The following FNDC3B variants were observed in gnomAD, a reference collection of about 807,000 sequenced individuals.
The protein encoded by FNDC3B is fibronectin type III domain-containing protein 3B.
FNDC3B carries 12 observed loss-of-function variants against 151.5 expected under a neutral mutation model. That is an observed-to-expected ratio of 0.08 (90% CI 0.05 to 0.13). The LOEUF is 0.13. FNDC3B is among the 10% of genes least tolerant of loss of function. The pLI, the probability that FNDC3B is intolerant of heterozygous loss-of-function variation, is 1.00. For synonymous variants in FNDC3B, 528 were observed against 549.0 expected (o/e 0.96, Z 0.54); for missense variants, 1,214 against 1,505.3 (o/e 0.81, Z 3.20).
At chr3:172,255,461 CGTTTCACCATGT>C (rs1728286486) in intron 6 of FNDC3B, among the ~76,000 whole-genome samples, 4 of 152,096 alleles carry the variant, frequency 2.6e-5, no homozygotes, top group Admixed American at 6.6e-5. Context: ...GTAGAGATGG[CGTTTCACCATGT>C]TGGCCAGGCT....
At chr3:172,328,918 TAA>T in intron 11 of FNDC3B, 32 bp from the exon 12 acceptor site, 1 of 1,485,216 alleles carries the variant, frequency 6.7e-7, no homozygotes, top group Non-Finnish European at 9.1e-7. Context: ...TTTTTTTTTT[TAA>T]GTATATGCAT....
intron 3 of FNDC3B, among the ~76,000 whole-genome samples, chr3:172,160,892 C>T (rs1310241743): frequency 2.0e-5 from 3 of 151,826 alleles, no homozygotes; most frequent in African/African-American, 4.8e-5. Context: ...CCGAATTTGC[C>T]GTTGAAAGAA....
intron 3 of FNDC3B, among the ~76,000 whole-genome samples, chr3:172,222,740 T>C (rs2108734116): frequency 6.6e-6 from 1 of 152,356 alleles, no homozygotes; most frequent in South Asian, 2.1e-4. Context: ...GCTTGCCCAC[T>C]GTTCATCTCC....
chr3:172,290,522 C>T (rs926876998), intron 7 of FNDC3B, among the ~76,000 whole-genome samples: 27 of 152,108 alleles, frequency 1.8e-4, no homozygotes, highest in Admixed American at 1.5e-3. Context: ...TAGATGTAGT[C>T]TCCCATAGAC....
At chr3:172,059,449 T>G (rs984019857) in intron 1 of FNDC3B, among the ~76,000 whole-genome samples, 2 of 152,182 alleles carry the variant, frequency 1.3e-5, no homozygotes, top group African/African-American at 4.8e-5. Flanking sequence ...TTAAAAGGCT[T>G]TGAAAAATTT....
intron 3 of FNDC3B, among the ~76,000 whole-genome samples, chr3:172,175,738 G>A (rs907635348): frequency 5.3e-5 from 8 of 152,172 alleles, no homozygotes; most frequent in South Asian, 2.1e-4. Flanking sequence ...GTAAACACAT[G>A]ATTACCATAG....
intron 3 of FNDC3B, among the ~76,000 whole-genome samples, chr3:172,215,659 G>A (rs895564486): frequency 3.9e-5 from 6 of 152,228 alleles, no homozygotes; most frequent in Admixed American, 3.3e-4. Context: ...AGGAGGCAGA[G>A]GTTGCAGTGA....
intron 25 of FNDC3B, among the ~76,000 whole-genome samples, chr3:172,392,629 T>C (rs1736065537): frequency 6.6e-6 from 1 of 152,108 alleles, no homozygotes; most frequent in African/African-American, 2.4e-5. Context: ...CACTGGGCTT[T>C]AGAAACATGT....
At chr3:172,216,283 A>G (rs1210372996) in intron 3 of FNDC3B, among the ~76,000 whole-genome samples, 1 of 152,190 alleles carries the variant, frequency 6.6e-6, no homozygotes, top group Non-Finnish European at 1.5e-5. Flanking sequence ...TGGTTTAAGT[A>G]TAAATAAGCC....
chr3:172,374,056 G>A (rs1489112132), intron 23 of FNDC3B, among the ~76,000 whole-genome samples: 5 of 152,148 alleles, frequency 3.3e-5, no homozygotes, highest in Admixed American at 6.5e-5. Flanking sequence ...TATGTGAGCC[G>A]TCAAATTCAG....
At chr3:172,276,002 G>T (rs559419208) in intron 6 of FNDC3B, among the ~76,000 whole-genome samples, 34 of 152,230 alleles carry the variant, frequency 2.2e-4, no homozygotes, top group Middle Eastern at 3.4e-3. Flanking sequence ...TATTTTAAAA[G>T]ATCATTTTAA....
intron 3 of FNDC3B, among the ~76,000 whole-genome samples, chr3:172,156,143 T>C (rs181577820): frequency 3.3e-5 from 5 of 152,326 alleles, no homozygotes; most frequent in Admixed American, 3.3e-4. Context: ...TTCAGGAGAC[T>C]CTTTGTTTAA....
At chr3:172,248,566 A>G (rs1469028289) in intron 5 of FNDC3B, among the ~76,000 whole-genome samples, 1 of 152,082 alleles carries the variant, frequency 6.6e-6, no homozygotes, top group Non-Finnish European at 1.5e-5. Context: ...GAGTCTGACT[A>G]TGAATGGAAG....
At chr3:172,057,700 TA>T (rs1716983224) in intron 1 of FNDC3B, among the ~76,000 whole-genome samples, 2 of 145,094 alleles carry the variant, frequency 1.4e-5, no homozygotes, top group African/African-American at 2.7e-5. Context: ...TTTTTTTTTT[TA>T]AATGAGGCAG....
chr3:172,360,048 T>C (rs1346413817), intron 22 of FNDC3B, among the ~76,000 whole-genome samples: 1 of 152,220 alleles, frequency 6.6e-6, no homozygotes, highest in African/African-American at 2.4e-5. Flanking sequence ...GGTCATGTAA[T>C]AAGTATATAT....
chr3:172,340,207 T>C (rs995253639), intron 16 of FNDC3B, among the ~76,000 whole-genome samples: 3 of 152,128 alleles, frequency 2.0e-5, no homozygotes, highest in Non-Finnish European at 4.4e-5. Context: ...GTTTCTCTCT[T>C]CAGTTCCACA....
At chr3:172,342,565 G>A (rs557331805) in intron 17 of FNDC3B, among the ~76,000 whole-genome samples, 5 of 152,346 alleles carry the variant, frequency 3.3e-5, no homozygotes, top group African/African-American at 1.2e-4. Flanking sequence ...GTTGATGTCA[G>A]AATCAATTGA....
intron 1 of FNDC3B, among the ~76,000 whole-genome samples, chr3:172,100,923 A>G (rs1719349499): frequency 1.3e-5 from 2 of 152,226 alleles, no homozygotes; most frequent in Non-Finnish European, 1.5e-5. Flanking sequence ...TTGAAAAAAT[A>G]TTTGAACCAA....
intron 6 of FNDC3B, among the ~76,000 whole-genome samples, chr3:172,266,627 G>A (rs907769699): frequency 2.6e-5 from 4 of 152,234 alleles, no homozygotes; most frequent in South Asian, 4.1e-4. Flanking sequence ...TCTGTTCCTC[G>A]CCTCTTCCAG....
Sources: gnomAD v4.1 joint callset for allele counts (sites outside exome capture counted in the v4.1 genomes callset) on GRCh38, gnomAD v4.1.1 for gene constraint, MANE v1.5 for transcripts, NCBI Gene and HGNC (gene_info 2026-07-23, HGNC 2026-07-21) for gene names.